The following KLHL12 variants were observed in gnomAD, a reference collection of about 807,000 sequenced individuals.
KLHL12 encodes the protein kelch like family member 12.
KLHL12 carries 17 observed loss-of-function variants against 60.8 expected under a neutral mutation model. That is an observed-to-expected ratio of 0.28 (90% CI 0.19 to 0.42). The LOEUF is 0.42. Among genes scored for constraint, KLHL12 ranks in the 10% least tolerant of loss-of-function variants. The pLI, the probability that KLHL12 is intolerant of heterozygous loss-of-function variation, is 1.00. For synonymous variants in KLHL12, 220 were observed against 250.9 expected (o/e 0.88, Z 1.16); for missense variants, 468 against 722.3 (o/e 0.65, Z 4.04).
intron 6 of KLHL12, among the ~76,000 whole-genome samples, chr1:202,899,481 T>C (rs1019151747): frequency 2.6e-5 from 4 of 152,110 alleles, no homozygotes; most frequent in African/African-American, 7.2e-5. Flanking sequence ...CCAAATAAAG[T>C]GGACCCTCTC....
rs753921250 is a variant in KLHL12, at chr1:202,893,913, T to C, written c.1393+271A>G. 6.6e-6 allele frequency among the ~76,000 whole-genome samples: 1 copy of C among 152,230 alleles called. No homozygotes were observed. The highest frequency in any genetic ancestry group is 1.5e-5 in the Non-Finnish European group (1 of 68,042). ...TGCATTAGAGACTTTATTTAACAGA[T>C]ATTTATTAAGCATGTACTACACAGG... On this transcript the variant is annotated intron_variant, in intron 10 of 11. Coordinates refer to ENST00000367261, the MANE Select transcript of KLHL12 (RefSeq NM_021633.4). This position sits in a 1 kb window ranked among gnomAD's most constrained non-coding sequence, Gnocchi z 4.1.
intron 1 of KLHL12, among the ~76,000 whole-genome samples, chr1:202,925,622 C>T (rs1653505976): frequency 6.6e-6 from 1 of 152,058 alleles, no homozygotes; most frequent in Admixed American, 6.5e-5. Context: ...AAAAGAGGAT[C>T]CTGCTTTATA....
chr1:202,903,635 T>TTC (rs1660091285), intron 6 of KLHL12, among the ~76,000 whole-genome samples: 1 of 126,798 alleles, frequency 7.9e-6, no homozygotes, highest in African/African-American at 2.8e-5. Context: ...TTTTCTTTTT[T>TTC]TTTTTGAAAC....
At chr1:202,910,623 C>T (rs1660324328) in intron 5 of KLHL12, among the ~76,000 whole-genome samples, 1 of 152,152 alleles carries the variant, frequency 6.6e-6, no homozygotes. Flanking sequence ...TATAAATAAA[C>T]TCAACATGAT....
Position 202,911,215 on chromosome 1 carries a change from T to C in KLHL12, c.568-12A>G. 5 of 1,613,182 alleles carry C rather than the reference T, an allele frequency of 3.1e-6. No homozygotes were observed. The highest frequency in any genetic ancestry group is 3.4e-6 in the Non-Finnish European group (4 of 1,179,276). ...TCTTCAGAATCCACCTGTAAATGTA[T>C]AATTACACACCGTGGATCCTACTTT... On this transcript the variant is annotated splice_polypyrimidine_tract_variant and intron_variant, in intron 4 of 11. Transcript: ENST00000367261.
chr1:202,893,123 C>A lies in KLHL12; in HGVS notation c.1580+116G>T. 2 of 728,906 alleles carry A rather than the reference C, an allele frequency of 2.7e-6. No homozygotes were observed. The highest frequency in any genetic ancestry group is 2.2e-5 in the South Asian group (1 of 45,394). 45.2% of individuals were successfully genotyped at this position (728,906 alleles called of 1,614,324 possible). ...AAATCTAATAAAAAAAATCAAGTTG[C>A]CACTGGAGATGTCTACCCCTACCCA... is the stretch of plus-strand genomic sequence containing the variant. On this transcript the variant is annotated intron_variant, in intron 11 of 11. Transcript: ENST00000367261. The surrounding 1 kb of genome is among the most constrained non-coding windows in gnomAD (Gnocchi z 4.1).
chr1:202,905,801 G>A (rs1660163740), intron 6 of KLHL12, among the ~76,000 whole-genome samples: 1 of 151,726 alleles, frequency 6.6e-6, no homozygotes. Context: ...TCAGATTAGG[G>A]ATACCCAACC....
rs765884319 is a variant in KLHL12, at chr1:202,919,774, G to A, written c.330C>T (p.Ala110=). The A allele has an allele frequency of 2.5e-6, 4 of 1,611,956 alleles. No individual in the cohort carries two copies. The Admixed American group carries it at 6.7e-5, about 27-fold the overall frequency. ...VENVQELLPA[A]CLLQLKGVKQ... is the part of the protein sequence containing the mutation. ...CTGTACCTTTCAACTGAAGCAGACA[G>A]GCTGCAGGAAGCAGTTCTTGTACAT... is the stretch of plus-strand genomic sequence containing the variant. Residue 110 remains alanine (A), a synonymous_variant, in exon 3 of 12, where the codon GCC becomes GCT. Coordinates refer to ENST00000367261, the MANE Select transcript of KLHL12 (RefSeq NM_021633.4).
intron 2 of KLHL12, among the ~76,000 whole-genome samples, chr1:202,923,343 C>T (rs1660755058): frequency 6.6e-6 from 1 of 152,154 alleles, no homozygotes; most frequent in Non-Finnish European, 1.5e-5. Flanking sequence ...ATTCCAAATG[C>T]TTCTGATGAT....
chr1:202,907,786 C>T (rs939220304), intron 6 of KLHL12, among the ~76,000 whole-genome samples: 12 of 151,310 alleles, frequency 7.9e-5, no homozygotes, highest in Middle Eastern at 3.4e-3. Flanking sequence ...CACGTGCCTG[C>T]GGTCCCAGCT....
chr1:202,926,775 G>C (rs915861843), intron 1 of KLHL12, among the ~76,000 whole-genome samples: 22 of 152,222 alleles, frequency 1.4e-4, no homozygotes, highest in African/African-American at 4.3e-4. Flanking sequence ...CACTTCGGGA[G>C]ATTCGGGGCA....
At chr1:202,920,825 T>G (rs1478080432) in intron 2 of KLHL12, among the ~76,000 whole-genome samples, 2 of 152,178 alleles carry the variant, frequency 1.3e-5, no homozygotes, top group Non-Finnish European at 2.9e-5. Context: ...AAAATCTATT[T>G]CATATTAAAA....
intron 10 of KLHL12, 104 bp downstream of exon 10, chr1:202,894,080 A>C: frequency 1.6e-6 from 1 of 631,166 alleles, no homozygotes; most frequent in Non-Finnish European, 2.8e-6. Flanking sequence ...GGAGAGCAGA[A>C]TCTCATTTTT....
chr1:202,897,228 C>CTTTTTTTT (rs11305071), intron 6 of KLHL12, among the ~76,000 whole-genome samples: 3 of 82,274 alleles, frequency 3.6e-5, no homozygotes, highest in Admixed American at 1.6e-4. Context: ...ATTTCTTTTT[C>CTTTTTTTT]TTTTTTTTTT....
rs754379195 is a variant in KLHL12 at position 202,894,212 on chromosome 1, A to G, written c.1365T>C (p.Asn455=). ...AACGCTTGGTGGCCATTGGTGTAAC[A>G]TTAGTCCAATGTCCTGTATGAGGGT... ...KYDPHTGHWT[N]VTPMATKRSG... The change falls in exon 10 of 12, where the codon AAT becomes AAC. Residue 455 remains asparagine, a synonymous_variant. Transcript: ENST00000367261. 3.9e-6 allele frequency: 6 copies of G among 1,556,372 alleles called. No homozygotes were observed. Among genetic ancestry groups the G allele is most frequent in the Non-Finnish European group, 4.4e-6 (5 of 1,148,470 alleles).
chr1:202,902,092 A>G (rs1237414303), intron 6 of KLHL12, among the ~76,000 whole-genome samples: 2 of 152,306 alleles, frequency 1.3e-5, no homozygotes, highest in East Asian at 3.9e-4. Flanking sequence ...AGACACACCA[A>G]AATGTAACAT....
intron 2 of KLHL12, among the ~76,000 whole-genome samples, chr1:202,923,866 A>G (rs1210945102): frequency 6.2e-5 from 3 of 48,342 alleles, no homozygotes; most frequent in Non-Finnish European, 1.0e-4. Flanking sequence ...TAACTAAAAA[A>G]AAAACAAAAA....
chr1:202,895,799 A>G lies in KLHL12; in HGVS notation c.940-82T>C. 1.0e-6 allele frequency: 1 copy of G among 984,824 alleles called. No homozygotes were observed. Among genetic ancestry groups the G allele is most frequent in the East Asian group, 2.5e-5 (1 of 40,808 alleles). 61.0% of individuals were successfully genotyped at this position (984,824 alleles called of 1,614,324 possible). The stretch of plus-strand genomic sequence containing the variant: ...TACCTTTTGCTATCTTCCCTGTTGT[A>G]TCTGCACACCTCTCTGCTTCTTCAC... On this transcript the variant is annotated intron_variant, in intron 7 of 11. Transcript: ENST00000367261. The surrounding 1 kb of genome is among the most constrained non-coding windows in gnomAD (Gnocchi z 4.2).
intron 4 of KLHL12, chr1:202,911,689 C>T (rs569674182): frequency 1.2e-4 from 65 of 536,762 alleles, no homozygotes; most frequent in African/African-American, 8.6e-4. Flanking sequence ...ACTGTTCACC[C>T]AAGCCTCTGA....
Sources: allele counts gnomAD v4.1 joint callset (sites outside exome capture counted in the v4.1 genomes callset), GRCh38; gene constraint gnomAD v4.1.1; non-coding constraint Gnocchi (gnomAD v3.1); transcripts MANE v1.5; gene names NCBI Gene and HGNC (gene_info 2026-07-23, HGNC 2026-07-21).